THBS4: variants seen among roughly 807,000 people sequenced by gnomAD.
THBS4 encodes the protein thrombospondin 4, also known as thrombospondin-4.
A neutral mutation model predicts 115.7 loss-of-function variants in THBS4; 90 were observed. The observed-to-expected ratio is 0.78, with a 90% confidence interval of 0.66 to 0.93. The LOEUF (loss-of-function observed/expected upper bound fraction) is 0.93, where lower values mean the gene tolerates loss of function less well. THBS4 is among the 40% of genes least tolerant of loss of function. The pLI is 0.00. For synonymous variants in THBS4, 460 were observed against 479.3 expected (o/e 0.96, Z 0.53); for missense variants, 1,087 against 1,232.7 (o/e 0.88, Z 1.77).
In THBS4 at chr5:80,071,135, G is replaced by A. The variant is rs1340378034; in HGVS notation, c.1675G>A (p.Gly559Arg). The change falls in exon 13 of 22, where the codon GGG becomes AGG. Residue 559 changes from glycine (G) to arginine (R), a missense_variant. Coordinates refer to ENST00000350881, the MANE Select transcript of THBS4 (RefSeq NM_003248.6). ...VLNNDQKDTD[G>R]DGRGDACDDD... ...AAATAACGACCAGAAAGACACCGATGGGGATGGAAGAGGAGATGCCTGTGA... is the reference window on the plus strand; with the variant it reads ...AAATAACGACCAGAAAGACACCGATAGGGATGGAAGAGGAGATGCCTGTGA... 1.2e-6 allele frequency: 2 copies of A among 1,604,456 alleles called. No homozygotes were observed. Among genetic ancestry groups the A allele is most frequent in the Middle Eastern group, 1.7e-4 (1 of 6,032 alleles).
intron 15 of THBS4, among the ~76,000 whole-genome samples, chr5:80,074,615 GCTCT>G (rs1207374222): frequency 1.5e-3 from 220 of 149,744 alleles, no homozygotes; most frequent in African/African-American, 4.2e-3. Context: ...TGAAGCCACA[GCTCT>G]CTCTCTCTTT....
At chr5:80,036,928 G>A (rs969591796) in intron 1 of THBS4, among the ~76,000 whole-genome samples, 3 of 152,144 alleles carry the variant, frequency 2.0e-5, no homozygotes, top group Non-Finnish European at 2.9e-5. Flanking sequence ...ACTGCATTTC[G>A]CCAAATAACT....
At chr5:80,044,597 A>AT (rs1204296807) in intron 2 of THBS4, among the ~76,000 whole-genome samples, 14 of 151,526 alleles carry the variant, frequency 9.2e-5, no homozygotes, top group African/African-American at 3.4e-4. Flanking sequence ...TAATTTTTCT[A>AT]TTTTTTTAGT....
At chr5:80,036,965 G>C (rs1032362366) in intron 1 of THBS4, among the ~76,000 whole-genome samples, 3 of 152,166 alleles carry the variant, frequency 2.0e-5, no homozygotes, top group Admixed American at 6.5e-5. Flanking sequence ...CAGACAACCA[G>C]AACTGTGGTT....
chr5:80,001,965 A>C (rs1831907942), intron 2 of THBS4, among the ~76,000 whole-genome samples: 1 of 152,354 alleles, frequency 6.6e-6, no homozygotes, highest in South Asian at 2.1e-4. Flanking sequence ...AAAGATGTAA[A>C]TAAGTTATAA....
chr5:80,033,326 C>A (rs1832621767), upstream of THBS4: 1 of 236,160 alleles, frequency 4.2e-6, no homozygotes, highest in Non-Finnish European at 9.4e-6. Context: ...AGCAAATACT[C>A]TAGGTATTTT....
At chr5:80,083,027 G>C in intron 21 of THBS4, 53 bp from the exon 22 acceptor site, 2 of 1,548,354 alleles carry the variant, frequency 1.3e-6, no homozygotes, top group Non-Finnish European at 1.8e-6. Context: ...GGGGGTCCGG[G>C]GTCCGGGGTG....
chr5:80,023,527 T>C (rs552790181), intron 2 of THBS4, among the ~76,000 whole-genome samples: 11 of 152,208 alleles, frequency 7.2e-5, no homozygotes, highest in Non-Finnish European at 1.6e-4. Context: ...ACCTACAGTT[T>C]CCCCGTTTCC....
rs985878006 is a variant in THBS4, at chr5:80,060,004, G to C, written c.987+99G>C. On this transcript the variant is annotated intron_variant, in intron 7 of 21. Coordinates refer to ENST00000350881, the MANE Select transcript of THBS4 (RefSeq NM_003248.6). Reference sequence around the variant, plus strand: ...AAGCTGATGATTAAGGGCTGACTTGGGCTGTCCTCCAGGCTCCATTGAAAC... The same window carrying C: ...AAGCTGATGATTAAGGGCTGACTTGCGCTGTCCTCCAGGCTCCATTGAAAC... The C allele has an allele frequency of 4.1e-6, 5 of 1,219,990 alleles. No homozygotes were observed. In the African/African-American group the frequency reaches 7.4e-5, roughly 18 times the overall value. 75.6% of individuals were successfully genotyped at this position (1,219,990 alleles called of 1,614,324 possible).
chr5:80,044,918 A>G (rs900768984), intron 2 of THBS4, among the ~76,000 whole-genome samples: 3 of 152,130 alleles, frequency 2.0e-5, no homozygotes, highest in Admixed American at 6.6e-5. Flanking sequence ...CTCTTCTAGT[A>G]TCTGGCGTAA....
At chr5:80,078,028 T>A in intron 16 of THBS4, 21 bp from the exon 17 acceptor site, 1 of 1,550,236 alleles carries the variant, frequency 6.5e-7, no homozygotes, top group Non-Finnish European at 8.8e-7. Flanking sequence ...TGAGCTCCTG[T>A]CCTTTCTCCA....
At chr5:80,038,961 C>A (rs1055987175) in intron 1 of THBS4, among the ~76,000 whole-genome samples, 1 of 152,108 alleles carries the variant, frequency 6.6e-6, no homozygotes, top group Non-Finnish European at 1.5e-5. Context: ...GAAAACAATA[C>A]GTTATTGTTT....
chr5:80,022,905 G>A (rs1832405823), intron 2 of THBS4, among the ~76,000 whole-genome samples: 1 of 152,004 alleles, frequency 6.6e-6, no homozygotes, highest in South Asian at 2.1e-4. Context: ...TGGGATCCTC[G>A]GGATTAGACT....
At chr5:80,032,930 A>T (rs1832613444), upstream of THBS4, among the ~76,000 whole-genome samples, 1 of 152,114 alleles carries the variant, frequency 6.6e-6, no homozygotes, top group Non-Finnish European at 1.5e-5. Context: ...AACCATCATG[A>T]TGTGCAAGCT....
intron 2 of THBS4, among the ~76,000 whole-genome samples, chr5:80,014,166 C>A (rs1427641186): frequency 6.6e-6 from 1 of 152,342 alleles, no homozygotes; most frequent in East Asian, 1.9e-4. Context: ...CCACTTCCTA[C>A]AATACATATG....
Position 80,065,395 on chromosome 5 carries a change from CT to C in THBS4, c.1126-10del, listed in dbSNP as rs778052316. Reference sequence around the variant, plus strand: ...CATGTCTCGCTAAACTTTCTTTGAACTTTTCTGCACTAGGTCTGCACTGACA... The same window carrying C: ...CATGTCTCGCTAAACTTTCTTTGAACTTTCTGCACTAGGTCTGCACTGACA... On this transcript the variant is annotated splice_polypyrimidine_tract_variant and intron_variant, in intron 8 of 21. Coordinates refer to ENST00000350881, the MANE Select transcript of THBS4 (RefSeq NM_003248.6). 3.7e-6 allele frequency: 6 copies of C among 1,604,218 alleles called. No individual in the cohort carries two copies. The highest frequency in any genetic ancestry group is 5.1e-6 in the Non-Finnish European group (6 of 1,176,018).
chr5:80,048,687 A>G (rs911480315), intron 2 of THBS4, among the ~76,000 whole-genome samples: 2 of 150,310 alleles, frequency 1.3e-5, no homozygotes, highest in African/African-American at 2.4e-5. Flanking sequence ...CTTTACATTT[A>G]TTCAAATTGC....
At chr5:80,080,123 T>TTC (rs1483654662) in intron 20 of THBS4, 46 bp downstream of exon 20, 1 of 1,573,762 alleles carries the variant, frequency 6.4e-7, no homozygotes, top group South Asian at 1.2e-5. Context: ...AAGCAAAGCA[T>TTC]TCTCCGTTCT....
intron 2 of THBS4, among the ~76,000 whole-genome samples, chr5:80,045,372 G>A (rs904619347): frequency 2.6e-5 from 4 of 152,092 alleles, no homozygotes; most frequent in Non-Finnish European, 4.4e-5. Context: ...CCTAAGGATA[G>A]GACATGTCAA....
Sources: gnomAD v4.1 joint callset for allele counts (sites outside exome capture counted in the v4.1 genomes callset) on GRCh38, gnomAD v4.1.1 for gene constraint, MANE v1.5 for transcripts, NCBI Gene and HGNC (gene_info 2026-07-23, HGNC 2026-07-21) for gene names.